SMPD3: variants seen among roughly 807,000 people sequenced by gnomAD.
SMPD3 encodes the protein nSMase-2.
Under a neutral mutation model 55.7 loss-of-function variants are expected in SMPD3, and 21 were observed. The ratio of observed to expected loss-of-function variants is 0.38; its 90% CI spans 0.27 to 0.54. SMPD3 has a LOEUF of 0.54. SMPD3 is among the 20% of genes least tolerant of loss of function. SMPD3 has a pLI of 0.80. For missense variants in SMPD3, 842 were observed against 899.6 expected, an observed-to-expected ratio of 0.94 and a Z score of 0.82; for synonymous variants, 457 against 404.3, an observed-to-expected ratio of 1.13 and a Z score of -1.56.
At chr16:68,432,735 A>G (rs2090490077) in intron 1 of SMPD3, among the ~76,000 whole-genome samples, 1 of 152,212 alleles carries the variant, frequency 6.6e-6, no homozygotes, top group Admixed American at 6.5e-5. Context: ...AGAAAATTTG[A>G]GGGGTCCAGA....
chr16:68,389,130 G>A (rs2090088427), intron 1 of SMPD3, among the ~76,000 whole-genome samples: 1 of 152,238 alleles, frequency 6.6e-6, no homozygotes, highest in East Asian at 1.9e-4. Context: ...GGCTCTGGCA[G>A]CTGGCTTGTG....
At chr16:68,381,427 C>A (rs182944537) in intron 2 of SMPD3, among the ~76,000 whole-genome samples, 1 of 152,332 alleles carries the variant, frequency 6.6e-6, no homozygotes, top group Non-Finnish European at 1.5e-5. Context: ...TGCTTCCAAG[C>A]CCGAGACAGG....
At chr16:68,393,478 GGCTAGTGAAGTT>G (rs2090130026) in intron 1 of SMPD3, among the ~76,000 whole-genome samples, 1 of 152,206 alleles carries the variant, frequency 6.6e-6, no homozygotes, top group South Asian at 2.1e-4. Flanking sequence ...GTAACTGTAT[GGCTAGTGAAGTT>G]GCTCACTGGC....
At position 68,371,347 on chromosome 16, in the gene SMPD3, T is replaced by A; in HGVS notation, c.835A>T (p.Thr279Ser). 6.3e-7 allele frequency: 1 copy of A among 1,582,978 alleles called. No individual in the cohort carries two copies. ...NGAGGGPRGQ[T>S]PNHNQQDGDS... Reference sequence around the variant, plus strand: ...CCGTCCTGCTGATTATGGTTGGGCGTCTGGCCCCTTGGGCCCCCGCCAGCT... The same window carrying A: ...CCGTCCTGCTGATTATGGTTGGGCGACTGGCCCCTTGGGCCCCCGCCAGCT... Residue 279 changes from threonine to serine, a missense_variant, in exon 3 of 9, where the codon ACG becomes TCG. This residue lies in a region of SMPD3 where 649 missense variants were observed against 643.6 expected (regional missense o/e 1.01). Transcript: ENST00000219334.
chr16:68,362,654 C>T (rs1407899465), intron 7 of SMPD3, among the ~76,000 whole-genome samples: 1 of 152,266 alleles, frequency 6.6e-6, no homozygotes, highest in Non-Finnish European at 1.5e-5. Flanking sequence ...CCCGGCGAGG[C>T]AGGGCCTGCA....
intron 1 of SMPD3, among the ~76,000 whole-genome samples, chr16:68,424,671 C>G (rs2090422065): frequency 2.0e-5 from 3 of 152,216 alleles, no homozygotes; most frequent in African/African-American, 7.2e-5. Flanking sequence ...TATTCTCTTG[C>G]AAAGTTACTG....
At chr16:68,363,458 G>C (rs374893010) in intron 7 of SMPD3, 38 bp downstream of exon 7, 7 of 1,611,344 alleles carry the variant, frequency 4.3e-6, no homozygotes, top group Non-Finnish European at 5.9e-6. Context: ...CCTTAGTCAG[G>C]GTGTGCCTCG....
Position 68,371,927 on chromosome 16 carries a change from C to T in SMPD3, c.255G>A (p.Trp85Ter). The change falls in exon 3 of 9, where the codon TGG becomes TGA. Residue 85 changes from tryptophan (W) to a stop codon, truncating the protein, a stop_gained. Coordinates refer to ENST00000219334, the MANE Select transcript of SMPD3 (RefSeq NM_018667.4). LOFTEE classifies it high-confidence loss of function. ...LPFAFLGFLF[W>*]SPLQSARRPY... ...GCCGGCGGGCCGACTGCAGTGGGGACCAGAAGAGAAAGCCGAGAAACGCAA... is the reference window on the plus strand; with the variant it reads ...GCCGGCGGGCCGACTGCAGTGGGGATCAGAAGAGAAAGCCGAGAAACGCAA... 1 of 1,611,644 alleles carries T rather than the reference C, an allele frequency of 6.2e-7. No individual in the cohort carries two copies. The highest frequency in any genetic ancestry group is 1.1e-5 in the South Asian group (1 of 90,450).
At position 68,365,098 on chromosome 16, in the gene SMPD3, G is replaced by T; in HGVS notation, c.1324-6C>A. 6.2e-7 allele frequency: 1 copy of T among 1,613,872 alleles called. No individual in the cohort carries two copies. Among genetic ancestry groups the T allele is most frequent in the Non-Finnish European group, 8.5e-7 (1 of 1,179,952 alleles). ...GGTGTGCTTCCCACCTGCACCTGGG[G>T]GAGGAGGGGGTCAGTGCTGCCACCT... On this transcript the variant is annotated splice_polypyrimidine_tract_variant and splice_region_variant and intron_variant, in intron 3 of 8. Transcript: ENST00000219334.
intron 1 of SMPD3, among the ~76,000 whole-genome samples, chr16:68,395,467 A>AACCTTTAATT (rs2090147313): frequency 6.6e-6 from 1 of 152,242 alleles, no homozygotes; most frequent in South Asian, 2.1e-4. Context: ...ACTTTATCAA[A>AACCTTTAATT]ACGTCATCAT....
At chr16:68,429,575 C>A (rs1397650369) in intron 1 of SMPD3, among the ~76,000 whole-genome samples, 1 of 152,202 alleles carries the variant, frequency 6.6e-6, no homozygotes, top group African/African-American at 2.4e-5. Flanking sequence ...GTGGGCACCA[C>A]AGGCCCTTAC....
chr16:68,382,068 T>C lies in SMPD3; in HGVS notation c.-207+4530A>G, dbSNP rs554704355. On this transcript the variant is annotated intron_variant, in intron 2 of 8. Coordinates refer to ENST00000219334, the MANE Select transcript of SMPD3 (RefSeq NM_018667.4). ...ACCTGTCCAAGTTCTTCTAGCACCA[T>C]GAAGCATCAGGGGAGCTGAGTCTTA... is the stretch of plus-strand genomic sequence containing the variant. 6 of 152,370 alleles carry C rather than the reference T, an allele frequency of 3.9e-5. No homozygotes were observed. In the South Asian group the frequency reaches 1.2e-3, roughly 32 times the overall value. 9.4% of individuals were successfully genotyped at this position (152,370 alleles called of 1,614,324 possible).
At position 68,372,346 on chromosome 16, in the gene SMPD3, A is replaced by G; in HGVS notation, c.-165T>C. On this transcript the variant is annotated 5_prime_UTR_variant, in exon 3 of 9. It removes an upstream start codon present in the reference 5' UTR. Coordinates refer to ENST00000219334, the MANE Select transcript of SMPD3 (RefSeq NM_018667.4). ...AATGGCGAATGTTGGCCAGCCGGTCATGGTTCACCTCGGTGGGCCATGCGG... is the reference window on the plus strand; with the variant it reads ...AATGGCGAATGTTGGCCAGCCGGTCGTGGTTCACCTCGGTGGGCCATGCGG... The G allele has an allele frequency of 1.1e-6, 1 of 908,790 alleles. No homozygotes were observed. The highest frequency in any genetic ancestry group is 1.7e-6 in the Non-Finnish European group (1 of 596,936). The allele number at this position is 908,790 out of a possible 1,614,324, so 56.3% of individuals were successfully genotyped here.
At chr16:68,391,994 T>A (rs895081079) in intron 1 of SMPD3, among the ~76,000 whole-genome samples, 5 of 151,934 alleles carry the variant, frequency 3.3e-5, no homozygotes, top group African/African-American at 1.2e-4. Context: ...CAGGTTCAAG[T>A]GGTTCTCGTG....
In SMPD3 at chr16:68,414,734, A is replaced by G. The variant is rs181585027; in HGVS notation, c.-268-28075T>C. Among the ~76,000 whole-genome samples, 8 of 152,364 alleles carry G rather than the reference A, an allele frequency of 5.3e-5. No homozygotes were observed. The South Asian group carries it at 1.4e-3, about 28-fold the overall frequency. ...GCAGCAGCCAGATCCTGCAGACATC[A>G]GATTGAGTGGCATGCCCTGATTTGT... On this transcript the variant is annotated intron_variant, in intron 1 of 8. Transcript: ENST00000219334.
intron 1 of SMPD3, among the ~76,000 whole-genome samples, chr16:68,406,395 G>A (rs1202724271): frequency 1.3e-5 from 2 of 152,150 alleles, no homozygotes; most frequent in Non-Finnish European, 2.9e-5. Flanking sequence ...ATTTAACCTG[G>A]CCCTCCTCTT....
Position 68,371,241 on chromosome 16 carries a change from C to A in SMPD3, c.941G>T (p.Ser314Ile). ...KGRAGPDTSA[S>I]GEPGANSKLL... ...CTTGCTGTTGGCACCTGGCTCCCCG[C>A]TGGCACTGGTGTCTGGCCCAGCTCG... Residue 314 changes from serine to isoleucine, a missense_variant, in exon 3 of 9, where the codon AGC (serine) becomes ATC (isoleucine). This residue lies in a region of SMPD3 where 649 missense variants were observed against 643.6 expected (regional missense o/e 1.01). Transcript: ENST00000219334. 6.2e-7 allele frequency: 1 copy of A among 1,606,576 alleles called. No individual in the cohort carries two copies. Among genetic ancestry groups the A allele is most frequent in the Non-Finnish European group, 8.5e-7 (1 of 1,177,516 alleles).
chr16:68,393,474 G>A (rs1163790839), intron 1 of SMPD3, among the ~76,000 whole-genome samples: 1 of 152,212 alleles, frequency 6.6e-6, no homozygotes, highest in Admixed American at 6.5e-5. Context: ...TCAGGTAACT[G>A]TATGGCTAGT....
chr16:68,441,190 T>C (rs144511814), intron 1 of SMPD3, among the ~76,000 whole-genome samples: 18 of 152,344 alleles, frequency 1.2e-4, no homozygotes, highest in South Asian at 4.1e-4. Context: ...GTCACTGTTC[T>C]AAGTGATTTA....
Sources: allele counts gnomAD v4.1 joint callset (sites outside exome capture counted in the v4.1 genomes callset), GRCh38; gene constraint gnomAD v4.1.1; regional missense constraint gnomAD v4.1.1; transcripts MANE v1.5; gene names NCBI Gene and HGNC (gene_info 2026-07-23, HGNC 2026-07-21).